The following RNFT2 variants were observed in gnomAD, a reference collection of about 807,000 sequenced individuals.
RNFT2 encodes E3 ubiquitin-protein ligase RNFT2.
RNFT2 carries 36 observed loss-of-function variants against 53.0 expected under a neutral mutation model. That is an observed-to-expected ratio of 0.68 (90% CI 0.52 to 0.90). The LOEUF is 0.90. Among genes scored for constraint, RNFT2 ranks in the 40% least tolerant of loss-of-function variants. The pLI, the probability that RNFT2 is intolerant of heterozygous loss-of-function variation, is 0.00. For synonymous variants in RNFT2, 260 were observed against 253.2 expected, an observed-to-expected ratio of 1.03 and a Z score of -0.26; for missense variants, 514 against 585.6, an observed-to-expected ratio of 0.88 and a Z score of 1.26.
At chr12:116,755,755 T>C in intron 5 of RNFT2, 1 of 1,461,814 alleles carries the variant, frequency 6.8e-7, no homozygotes, top group Non-Finnish European at 9.5e-7. Flanking sequence ...CCTTGATGTC[T>C]ACGATATCAC....
Position 116,749,997 on chromosome 12 carries a change from C to T in RNFT2, c.240C>T (p.Ser80=). The part of the protein sequence containing the change: ...SSFPSSLVLG[S]SAGGGDVFIQ... ...TCCCCTCCAGCCTGGTGCTGGGCTC[C>T]TCGGCTGGCGGCGGGGACGTGTTCA... is the stretch of plus-strand genomic sequence containing the variant. The change falls in exon 4 of 11, where the codon TCC becomes TCT. Residue 80 remains serine (S), a synonymous_variant. Coordinates refer to ENST00000257575, the MANE Select transcript of RNFT2 (RefSeq NM_001382266.1). 1.9e-6 allele frequency: 3 copies of T among 1,559,004 alleles called. No homozygotes were observed. Among genetic ancestry groups the T allele is most frequent in the Non-Finnish European group, 2.6e-6 (3 of 1,151,496 alleles).
chr12:116,808,446 CT>C (rs1187627193), intron 7 of RNFT2, among the ~76,000 whole-genome samples: 1 of 152,200 alleles, frequency 6.6e-6, no homozygotes, highest in Admixed American at 6.5e-5. Flanking sequence ...ACTCTGCCCC[CT>C]GGGAGACTCC....
At chr12:116,781,101 G>A (rs1873678071) in intron 7 of RNFT2, among the ~76,000 whole-genome samples, 1 of 152,192 alleles carries the variant, frequency 6.6e-6, no homozygotes, top group South Asian at 2.1e-4. Flanking sequence ...CACAATACCT[G>A]TGTTGTCTAA....
Position 116,776,590 on chromosome 12 carries a change from C to T in RNFT2, c.729-2605C>T, listed in dbSNP as rs553864780. Among the ~76,000 whole-genome samples, 50 of 152,256 alleles carry T rather than the reference C, an allele frequency of 3.3e-4. No individual in the cohort carries two copies. In the South Asian group the frequency reaches 0.01, roughly 31 times the overall value. ...TGTGAGTGACTTGTCAGTAATTTTG[C>T]CCTACTCAAAATAACCCAGACCAAT... On this transcript the variant is annotated intron_variant, in intron 6 of 10. Transcript: ENST00000257575.
intron 5 of RNFT2, among the ~76,000 whole-genome samples, chr12:116,763,619 C>CAAA (rs34013122): frequency 3.4e-5 from 5 of 148,268 alleles, no homozygotes; most frequent in Non-Finnish European, 6.0e-5. Flanking sequence ...AAAAAAATAA[C>CAAA]AAAAAAAAAA....
chr12:116,750,890 TAATATATATA>T lies in RNFT2; in HGVS notation c.550+584_550+593del, dbSNP rs1566069541. Among the ~76,000 whole-genome samples the T allele has an allele frequency of 1.2e-3, 30 of 25,202 alleles. 1 individual carries two copies. Among genetic ancestry groups the T allele is most frequent in the African/African-American group, 7.1e-3 (27 of 3,828 alleles). 16.5% of individuals were successfully genotyped at this position (25,202 alleles called of 152,430 possible). A position where few individuals can be genotyped will look rare whatever the true frequency, so the allele number is the denominator to read the frequency against. On this transcript the variant is annotated intron_variant, in intron 4 of 10. Transcript: ENST00000257575. Reference sequence around the variant, plus strand: ...ATATATAATATATATATTATATATATAATATATATATATATATATTTTTTTTTGAGACAGG... The same window carrying T: ...ATATATAATATATATATTATATATATTATATATATTTTTTTTTGAGACAGG...
At chr12:116,812,322 G>A (rs907097210) in intron 7 of RNFT2, among the ~76,000 whole-genome samples, 20 of 152,204 alleles carry the variant, frequency 1.3e-4, no homozygotes, top group Middle Eastern at 3.4e-3. Context: ...ATAAATACAC[G>A]TTGAGTGACA....
intron 7 of RNFT2, 71 bp from the exon 8 acceptor site, chr12:116,833,721 G>A (rs992300289): frequency 4.0e-5 from 61 of 1,537,764 alleles, no homozygotes; most frequent in South Asian, 1.4e-4. Flanking sequence ...TGCCCGGGGC[G>A]GGGGGCCCCC....
rs781289279 is a variant in RNFT2, at chr12:116,852,733, G to T, written c.*3285G>T. On this transcript the variant is annotated 3_prime_UTR_variant, in exon 11 of 11. Transcript: ENST00000257575. ...TGTAAGGAAATAGAACAGTCTGCTG[G>T]GAGTCAGACCTGGAATTCTGATTCC... The T allele has an allele frequency of 6.2e-7, 1 of 1,608,608 alleles. No individual in the cohort carries two copies. Among genetic ancestry groups the T allele is most frequent in the Non-Finnish European group, 8.5e-7 (1 of 1,175,028 alleles).
Position 116,836,091 on chromosome 12 carries a change from C to G in RNFT2, c.1098+66C>G, listed in dbSNP as rs182934012. Reference sequence around the variant, plus strand: ...TCAGGAACTGGAAACAGCAGCGACCCCTTCCTCAGCCCACAGATCTCACAG... The same window carrying G: ...TCAGGAACTGGAAACAGCAGCGACCGCTTCCTCAGCCCACAGATCTCACAG... On this transcript the variant is annotated intron_variant, in intron 9 of 10. Coordinates refer to ENST00000257575, the MANE Select transcript of RNFT2 (RefSeq NM_001382266.1). 6.6e-5 allele frequency: 106 copies of G among 1,604,406 alleles called. 1 individual carries two copies. The African/African-American group carries it at 1.2e-3, about 18-fold the overall frequency.
In RNFT2 at chr12:116,755,669, TGGG is replaced by T. The variant is rs1162391895; in HGVS notation, c.627+1610_627+1612del. ...GTTTACAACAATGCCAACAGCATGC[TGGG>T]TAACATTGTAGACTCTTCCAGTTTT... On this transcript the variant is annotated intron_variant, in intron 5 of 10. Transcript: ENST00000257575. 4.1e-6 allele frequency: 6 copies of T among 1,451,574 alleles called. No individual in the cohort carries two copies. In the African/African-American group the frequency reaches 8.3e-5, roughly 20 times the overall value. The allele number at this position is 1,451,574 out of a possible 1,614,324, so 89.9% of individuals were successfully genotyped here. A position where few individuals can be genotyped will look rare whatever the true frequency, so the allele number is the denominator to read the frequency against.
intron 3 of RNFT2, among the ~76,000 whole-genome samples, chr12:116,749,413 G>A (rs950743089): frequency 1.3e-5 from 2 of 151,986 alleles, no homozygotes; most frequent in African/African-American, 4.8e-5. Flanking sequence ...GAATAGCTGG[G>A]ACTACAGGCA....
chr12:116,784,220 C>G (rs1202602145), intron 7 of RNFT2, among the ~76,000 whole-genome samples: 1 of 152,228 alleles, frequency 6.6e-6, no homozygotes, highest in African/African-American at 2.4e-5. Context: ...GATGAGAGTA[C>G]AAAGCTAGAC....
chr12:116,846,521 C>T (rs1877623942), intron 10 of RNFT2, among the ~76,000 whole-genome samples: 1 of 150,314 alleles, frequency 6.7e-6, no homozygotes, highest in Admixed American at 6.7e-5. Context: ...AACTCCTGGC[C>T]TCGAGCCATC....
intron 10 of RNFT2, among the ~76,000 whole-genome samples, chr12:116,841,977 A>C: frequency 7.2e-6 from 1 of 139,120 alleles, no homozygotes; most frequent in African/African-American, 2.8e-5. Context: ...AGAGAGAGAG[A>C]GAGAGAGAGG....
At chr12:116,848,162 C>A (rs1447732294) in intron 10 of RNFT2, among the ~76,000 whole-genome samples, 1 of 152,206 alleles carries the variant, frequency 6.6e-6, no homozygotes, top group East Asian at 1.9e-4. Context: ...CATGTCCCTG[C>A]AAAGGACATG....
chr12:116,845,729 T>C (rs1374661209), intron 10 of RNFT2, among the ~76,000 whole-genome samples: 1 of 152,126 alleles, frequency 6.6e-6, no homozygotes, highest in African/African-American at 2.4e-5. Flanking sequence ...CCCTGGGTCC[T>C]GCCCTCCAGA....
intron 10 of RNFT2, among the ~76,000 whole-genome samples, chr12:116,841,538 A>G (rs1411286761): frequency 6.6e-6 from 1 of 151,164 alleles, no homozygotes; most frequent in Non-Finnish European, 1.5e-5. Context: ...ACCTGAGGTC[A>G]GGAGTTCGAG....
intron 10 of RNFT2, among the ~76,000 whole-genome samples, chr12:116,837,414 A>C (rs1020379368): frequency 6.6e-6 from 1 of 152,134 alleles, no homozygotes; most frequent in Non-Finnish European, 1.5e-5. Flanking sequence ...GATGAGTTCC[A>C]GGTTGGGAAG....
Sources: allele counts gnomAD v4.1 joint callset (sites outside exome capture counted in the v4.1 genomes callset), GRCh38; gene constraint gnomAD v4.1.1; transcripts MANE v1.5; gene names NCBI Gene and HGNC (gene_info 2026-07-23, HGNC 2026-07-21).